FBXW7: variants seen among roughly 807,000 people sequenced by gnomAD.
The protein encoded by FBXW7 is F-box/WD repeat-containing protein 7.
A neutral mutation model predicts 86.3 loss-of-function variants in FBXW7; 11 were observed. The ratio of observed to expected loss-of-function variants is 0.13; its 90% CI spans 0.08 to 0.21. The LOEUF (loss-of-function observed/expected upper bound fraction) is 0.21. Ranked by LOEUF, FBXW7 falls within the 10% of genes least tolerant of loss-of-function variation. The pLI is 1.00. For missense variants in FBXW7, 488 were observed against 847.4 expected, an observed-to-expected ratio of 0.58 and a Z score of 5.27; for synonymous variants, 313 against 297.9, an observed-to-expected ratio of 1.05 and a Z score of -0.52.
At chr4:152,337,528 T>C (rs1730255893) in intron 7 of FBXW7, 1 of 251,324 alleles carries the variant, frequency 4.0e-6, no homozygotes, top group Non-Finnish European at 7.5e-6. Context: ...GGTAAATAAA[T>C]AATCAAATTA....
At chr4:152,391,780 GGT>G (rs1382527129) in intron 4 of FBXW7, among the ~76,000 whole-genome samples, 1 of 152,050 alleles carries the variant, frequency 6.6e-6, no homozygotes, top group African/African-American at 2.4e-5. Context: ...ATTTGCCCAA[GGT>G]AACACAGCTG....
At chr4:152,367,702 C>A (rs771531193) in intron 4 of FBXW7, among the ~76,000 whole-genome samples, 7 of 152,106 alleles carry the variant, frequency 4.6e-5, no homozygotes, top group Non-Finnish European at 1.0e-4. Flanking sequence ...ACTATACACA[C>A]TGATATCTAA....
chr4:152,457,633 G>A (rs1742545537), intron 2 of FBXW7, among the ~76,000 whole-genome samples: 4 of 112,530 alleles, frequency 3.6e-5, no homozygotes, highest in African/African-American at 1.1e-4. Flanking sequence ...GACAGAGCAA[G>A]ACTCTGTCTC....
At chr4:152,446,711 A>G in intron 2 of FBXW7, among the ~76,000 whole-genome samples, 1 of 152,188 alleles carries the variant, frequency 6.6e-6, no homozygotes, top group East Asian at 1.9e-4. Context: ...ACTTTTATAA[A>G]AAGTAGTCAA....
At chr4:152,362,822 C>T (rs1174716870) in intron 4 of FBXW7, among the ~76,000 whole-genome samples, 1 of 98,702 alleles carries the variant, frequency 1.0e-5, no homozygotes, top group African/African-American at 3.2e-5. Context: ...GTGAAACTCT[C>T]TCTCTCAAAA....
At chr4:152,450,189 T>C (rs1741785143) in intron 2 of FBXW7, among the ~76,000 whole-genome samples, 1 of 152,234 alleles carries the variant, frequency 6.6e-6, no homozygotes, top group South Asian at 2.1e-4. Flanking sequence ...AGGCATGCAC[T>C]TCACATTCAA....
At chr4:152,495,458 T>C (rs1411201014) in intron 2 of FBXW7, among the ~76,000 whole-genome samples, 3 of 151,938 alleles carry the variant, frequency 2.0e-5, no homozygotes, top group Non-Finnish European at 4.4e-5. Flanking sequence ...AAAAAAAAAT[T>C]ATTTTAAATT....
At chr4:152,389,386 CAT>C (rs1043924105) in intron 4 of FBXW7, among the ~76,000 whole-genome samples, 7 of 152,064 alleles carry the variant, frequency 4.6e-5, no homozygotes, top group Middle Eastern at 3.4e-3. Context: ...AACTAACCCA[CAT>C]ATATATATGT....
chr4:152,532,503 C>T (rs954218758), intron 2 of FBXW7, among the ~76,000 whole-genome samples: 7 of 152,222 alleles, frequency 4.6e-5, no homozygotes, highest in African/African-American at 1.7e-4. Context: ...TCAACAACCT[C>T]TATCTGTATT....
chr4:152,402,803 T>C (rs905822417), intron 4 of FBXW7, among the ~76,000 whole-genome samples: 2 of 152,186 alleles, frequency 1.3e-5, no homozygotes, highest in Non-Finnish European at 2.9e-5. Flanking sequence ...GCAGCAATCT[T>C]CTCCTATGAA....
chr4:152,460,309 T>C (rs1742826710), intron 2 of FBXW7, among the ~76,000 whole-genome samples: 1 of 152,230 alleles, frequency 6.6e-6, no homozygotes, highest in Non-Finnish European at 1.5e-5. Flanking sequence ...AACTCCATTA[T>C]AAACCCAACA....
At chr4:152,348,448 C>T (rs1272257897) in intron 5 of FBXW7, among the ~76,000 whole-genome samples, 1 of 151,748 alleles carries the variant, frequency 6.6e-6, no homozygotes, top group African/African-American at 2.4e-5. Flanking sequence ...CCTTCCTAAC[C>T]GAGAGTCTCC....
chr4:152,454,224 C>G (rs1262846278), intron 2 of FBXW7, among the ~76,000 whole-genome samples: 1 of 148,320 alleles, frequency 6.7e-6, no homozygotes, highest in Non-Finnish European at 1.5e-5. Flanking sequence ...CTTCTTATAT[C>G]TCTTTTACTG....
intron 4 of FBXW7, among the ~76,000 whole-genome samples, chr4:152,363,059 A>C (rs1387965043): frequency 6.6e-6 from 1 of 152,136 alleles, no homozygotes; most frequent in Non-Finnish European, 1.5e-5. Context: ...CAAAGACTTT[A>C]ACTTTGTGAG....
intron 2 of FBXW7, among the ~76,000 whole-genome samples, chr4:152,430,374 A>G (rs763143244): frequency 6.6e-5 from 10 of 152,248 alleles, no homozygotes; most frequent in Non-Finnish European, 1.5e-4. Context: ...ATACTGTTCT[A>G]TAACCTGAAA....
intron 2 of FBXW7, among the ~76,000 whole-genome samples, chr4:152,469,879 T>C (rs896051343): frequency 8.5e-5 from 13 of 152,142 alleles, no homozygotes; most frequent in African/African-American, 2.9e-4. Flanking sequence ...ATGTCATTCA[T>C]GTAGCATATG....
At chr4:152,463,143 CTGGGCGTGGTGG>C (rs1743102606) in intron 2 of FBXW7, among the ~76,000 whole-genome samples, 2 of 151,962 alleles carry the variant, frequency 1.3e-5, no homozygotes, top group South Asian at 4.2e-4. Flanking sequence ...CAAAAATTAG[CTGGGCGTGGTGG>C]TGGGCGCCTG....
chr4:152,487,227 G>A (rs1263743198), intron 2 of FBXW7, among the ~76,000 whole-genome samples: 2 of 152,028 alleles, frequency 1.3e-5, no homozygotes, highest in Non-Finnish European at 2.9e-5. Context: ...AGGCTGTTGA[G>A]AAACAATGTT....
intron 2 of FBXW7, among the ~76,000 whole-genome samples, chr4:152,497,342 AC>A (rs1560969534): frequency 7.9e-5 from 8 of 101,064 alleles, no homozygotes; most frequent in Admixed American, 2.0e-4. Flanking sequence ...AAAAAAAAAA[AC>A]CACACACACA....
Sources: allele counts gnomAD v4.1 joint callset (sites outside exome capture counted in the v4.1 genomes callset), GRCh38; gene constraint gnomAD v4.1.1; transcripts MANE v1.5; gene names NCBI Gene and HGNC (gene_info 2026-07-23, HGNC 2026-07-21).